The following CNOT7 variants were observed in gnomAD, a reference collection of about 807,000 sequenced individuals.
CNOT7 encodes the protein CCR4-NOT transcription complex subunit 7.
A neutral mutation model predicts 37.1 loss-of-function variants in CNOT7; 4 were observed. The ratio of observed to expected loss-of-function variants is 0.11; its 90% confidence interval spans 0.05 to 0.25. The LOEUF (loss-of-function observed/expected upper bound fraction) is 0.25. Among genes scored for constraint, CNOT7 ranks in the 10% least tolerant of loss-of-function variants. The pLI is 1.00. For missense variants in CNOT7, 170 were observed against 336.2 expected, an observed-to-expected ratio of 0.51 and a Z score of 3.87; for synonymous variants, 128 against 115.6, an observed-to-expected ratio of 1.11 and a Z score of -0.69.
At chr8:17,246,398 A>C (rs1055177309) in intron 1 of CNOT7, 3 of 152,730 alleles carry the variant, frequency 2.0e-5, no homozygotes, top group African/African-American at 7.2e-5. Context: ...AAACAATACG[A>C]AGAGGTGAGG....
rs1232412221 is a variant in CNOT7, at chr8:17,228,147, T to A, written c.*2573A>T. The A allele has an allele frequency of 3.3e-5, 5 of 152,044 alleles. No individual in the cohort carries two copies. In the East Asian group the frequency reaches 9.7e-4, roughly 29 times the overall value. 9.4% of individuals were successfully genotyped at this position (152,044 alleles called of 1,614,324 possible). ...ATCTTTTGATTATTTTTCCCAACCA[T>A]TTAAAAGCCATTTTCAGTTCATGGG... On this transcript the variant is annotated 3_prime_UTR_variant, in exon 7 of 7. Transcript: ENST00000361272.
intron 5 of CNOT7, among the ~76,000 whole-genome samples, chr8:17,233,280 G>A (rs993473067): frequency 6.6e-6 from 1 of 152,154 alleles, no homozygotes; most frequent in Non-Finnish European, 1.5e-5. Flanking sequence ...ACTTGTTAAG[G>A]CCTCCACCGG....
At chr8:17,232,700 G>A (rs530759659) in intron 5 of CNOT7, among the ~76,000 whole-genome samples, 163 bp from the exon 6 acceptor site, 1 of 152,134 alleles carries the variant, frequency 6.6e-6, no homozygotes, top group East Asian at 1.9e-4. Context: ...AATTACTAAT[G>A]TATTTGTTGA....
chr8:17,233,930 G>T (rs1808973877), intron 5 of CNOT7, among the ~76,000 whole-genome samples: 1 of 152,112 alleles, frequency 6.6e-6, no homozygotes, highest in Non-Finnish European at 1.5e-5. Context: ...ATGGACACCT[G>T]TTAATTCCAG....
intron 5 of CNOT7, among the ~76,000 whole-genome samples, chr8:17,233,927 C>A (rs559947426): frequency 6.6e-6 from 1 of 152,194 alleles, no homozygotes; most frequent in South Asian, 2.1e-4. Flanking sequence ...GTGATGGACA[C>A]CTGTTAATTC....
chr8:17,245,272 A>T, intron 1 of CNOT7, 25 bp from the exon 2 acceptor site: 1 of 1,004,384 alleles, frequency 1.0e-6, no homozygotes, highest in Non-Finnish European at 1.4e-6. Context: ...AAACAATATG[A>T]AGACCAGATA....
At chr8:17,232,077 G>C in intron 6 of CNOT7, 1 of 1,021,612 alleles carries the variant, frequency 9.8e-7, no homozygotes, top group Non-Finnish European at 1.2e-6. Context: ...ACCAATGGGA[G>C]TCAGAAAAGA....
At chr8:17,232,321 A>G (rs1254953047) in intron 6 of CNOT7, 106 bp downstream of exon 6, 14 of 1,583,088 alleles carry the variant, frequency 8.8e-6, no homozygotes, top group African/African-American at 2.7e-5. Context: ...ATCTCTAATT[A>G]TATCTTTACT....
At chr8:17,245,746 A>G (rs774191728) in intron 1 of CNOT7, 9 of 152,146 alleles carry the variant, frequency 5.9e-5, no homozygotes, top group Non-Finnish European at 1.2e-4. Flanking sequence ...ATGTTTGTAA[A>G]TGCTCTGAGA....
At chr8:17,233,800 TTAAAGG>T (rs775689132) in intron 5 of CNOT7, among the ~76,000 whole-genome samples, 2 of 152,194 alleles carry the variant, frequency 1.3e-5, no homozygotes, top group African/African-American at 2.4e-5. Flanking sequence ...ATATCATGTA[TTAAAGG>T]TAAACACTGG....
rs1375077561 is a variant in CNOT7 at position 17,228,712 on chromosome 8, A to ATGAT, written c.*2004_*2007dup. On this transcript the variant is annotated 3_prime_UTR_variant, in exon 7 of 7. Coordinates refer to ENST00000361272, the MANE Select transcript of CNOT7 (RefSeq NM_013354.7). ...TACTTTTTAGGGACAGAAGCCAGAA[A>ATGAT]TGATACAAGTTATGAGATTGAGCAA... The ATGAT allele has an allele frequency of 1.3e-5, 2 of 151,972 alleles. No individual in the cohort carries two copies. Among genetic ancestry groups the ATGAT allele is most frequent in the Non-Finnish European group, 2.9e-5 (2 of 67,858 alleles). 9.4% of individuals were successfully genotyped at this position (151,972 alleles called of 1,614,324 possible).
In CNOT7 at chr8:17,246,855, C is replaced by G. The variant is rs1035742873; in HGVS notation, c.-276G>C. On this transcript the variant is annotated 5_prime_UTR_variant, in exon 1 of 7. Transcript: ENST00000361272. ...CACCGTGCTGCGCCGTCGCTTTTCG[C>G]ACGTCCTGACGGGGGCGCTAGATGA... The G allele has an allele frequency of 2.0e-4, 61 of 303,504 alleles. 2 individuals carry two copies. Among genetic ancestry groups the G allele is most frequent in the South Asian group, 1.2e-3 (44 of 36,706 alleles). The allele number at this position is 303,504 out of a possible 1,614,324, so 18.8% of individuals were successfully genotyped here.
At position 17,230,522 on chromosome 8, in the gene CNOT7, C is replaced by G. The variant is rs902650832; in HGVS notation, c.*198G>C. On this transcript the variant is annotated 3_prime_UTR_variant, in exon 7 of 7. Coordinates refer to ENST00000361272, the MANE Select transcript of CNOT7 (RefSeq NM_013354.7). ...ATATTAAATTAAGGCCAAATTTAAC[C>G]TGAATGCGTTTTTTTTTTTCTTTTT... The G allele has an allele frequency of 5.5e-6, 2 of 365,904 alleles. No individual in the cohort carries two copies. Among genetic ancestry groups the G allele is most frequent in the East Asian group, 4.2e-5 (1 of 23,796 alleles). The allele number at this position is 365,904 out of a possible 1,614,324, so 22.7% of individuals were successfully genotyped here.
Position 17,229,656 on chromosome 8 carries a change from A to G in CNOT7, c.*1064T>C, listed in dbSNP as rs952225809. On this transcript the variant is annotated 3_prime_UTR_variant, in exon 7 of 7. Transcript: ENST00000361272. ...TATATATATATATGAGAATATATAT[A>G]TATTTTGTTGTTTTGTACCAAATCT... 6.6e-6 allele frequency: 1 copy of G among 151,754 alleles called. No homozygotes were observed. The highest frequency in any genetic ancestry group is 1.5e-5 in the Non-Finnish European group (1 of 67,750). The allele number at this position is 151,754 out of a possible 1,614,324, so 9.4% of individuals were successfully genotyped here. A position where few individuals can be genotyped will look rare whatever the true frequency, so the allele number is the denominator to read the frequency against.
At position 17,228,315 on chromosome 8, in the gene CNOT7, C is replaced by CT. The variant is rs1021913589; in HGVS notation, c.*2404dup. 2.0e-5 allele frequency: 3 copies of CT among 151,938 alleles called. No individual in the cohort carries two copies. Among genetic ancestry groups the CT allele is most frequent in the Admixed American group, 6.6e-5 (1 of 15,242 alleles). The allele number at this position is 151,938 out of a possible 1,614,324, so 9.4% of individuals were successfully genotyped here. A position where few individuals can be genotyped will look rare whatever the true frequency, so the allele number is the denominator to read the frequency against. On this transcript the variant is annotated 3_prime_UTR_variant, in exon 7 of 7. Coordinates refer to ENST00000361272, the MANE Select transcript of CNOT7 (RefSeq NM_013354.7). ...AAAATATCAGCCAAATATCTTACATCTGGAACCTAGACTTTACAAACATTG... is the reference window on the plus strand; with the variant it reads ...AAAATATCAGCCAAATATCTTACATCTTGGAACCTAGACTTTACAAACATTG...
rs1391745672 is a variant in CNOT7 at position 17,229,963 on chromosome 8, C to T, written c.*757G>A. ...AGTTTCCTGGCAGATAGTAAACATC[C>T]AATCACAAGGGATTTTTCCTGAAGG... On this transcript the variant is annotated 3_prime_UTR_variant, in exon 7 of 7. Coordinates refer to ENST00000361272, the MANE Select transcript of CNOT7 (RefSeq NM_013354.7). 1 of 152,272 alleles carries T rather than the reference C, an allele frequency of 6.6e-6. No individual in the cohort carries two copies. Among genetic ancestry groups the T allele is most frequent in the Non-Finnish European group, 1.5e-5 (1 of 67,870 alleles). 9.4% of individuals were successfully genotyped at this position (152,272 alleles called of 1,614,324 possible). A position where few individuals can be genotyped will look rare whatever the true frequency, so the allele number is the denominator to read the frequency against.
intron 6 of CNOT7, among the ~76,000 whole-genome samples, chr8:17,231,190 A>G (rs1282740693): frequency 6.6e-6 from 1 of 152,168 alleles, no homozygotes; most frequent in Admixed American, 6.5e-5. Flanking sequence ...GGTGGGGGAA[A>G]AAAAGTTTAG....
chr8:17,242,179 C>G (rs1457253314), intron 3 of CNOT7: 1 of 152,278 alleles, frequency 6.6e-6, no homozygotes, highest in East Asian at 1.9e-4. Context: ...ACACTCCACT[C>G]AGGTAGTGGC....
At chr8:17,243,891 A>T (rs1363989833) in intron 2 of CNOT7, among the ~76,000 whole-genome samples, 1 of 152,204 alleles carries the variant, frequency 6.6e-6, no homozygotes, top group Non-Finnish European at 1.5e-5. Flanking sequence ...TCATATTTTA[A>T]CCAATCAACT....
Sources: allele counts gnomAD v4.1 joint callset (sites outside exome capture counted in the v4.1 genomes callset), GRCh38; gene constraint gnomAD v4.1.1; transcripts MANE v1.5; gene names NCBI Gene and HGNC (gene_info 2026-07-23, HGNC 2026-07-21).